RPS6KA6: variants seen among roughly 807,000 people sequenced by gnomAD.
RPS6KA6 encodes the protein ribosomal protein S6 kinase alpha-6.
In RPS6KA6, 27 loss-of-function variants were observed where a neutral mutation model predicts 65.4. The observed-to-expected ratio is 0.41, with a 90% CI of 0.30 to 0.57. The LOEUF (loss-of-function observed/expected upper bound fraction) is 0.57, where lower values mean the gene tolerates loss of function less well. Among genes scored for constraint, RPS6KA6 ranks in the 20% least tolerant of loss-of-function variants. RPS6KA6 has a pLI of 0.24. For synonymous variants in RPS6KA6, 190 were observed against 184.2 expected (o/e 1.03, Z -0.26); for missense variants, 486 against 555.6 (o/e 0.87, Z 1.26).
At chrX:84,082,196 C>A (rs1047159955) in intron 20 of RPS6KA6, among the ~76,000 whole-genome samples, 1 of 111,398 alleles carries the variant, frequency 9.0e-6, no homozygotes, top group Non-Finnish European at 1.9e-5. Flanking sequence ...TTTAGAAAAC[C>A]CCATCATCTC....
chrX:84,111,171 G>A (rs2034463256), intron 12 of RPS6KA6, among the ~76,000 whole-genome samples: 2 of 63,762 alleles, frequency 3.1e-5, no homozygotes, highest in African/African-American at 7.6e-5. Flanking sequence ...TTTAAAAAAT[G>A]AACAAAGTCT....
At chrX:84,139,924 C>T (rs1458751382) in intron 6 of RPS6KA6, among the ~76,000 whole-genome samples, 2 of 111,721 alleles carry the variant, frequency 1.8e-5, no homozygotes, top group Admixed American at 1.9e-4. Flanking sequence ...AGGGCTAAGT[C>T]AGGTGGAGCC....
At chrX:84,094,773 A>T (rs2034121209) in intron 20 of RPS6KA6, among the ~76,000 whole-genome samples, 1 of 112,358 alleles carries the variant, frequency 8.9e-6, no homozygotes, top group African/African-American at 3.2e-5. Flanking sequence ...CTGTGAGCCA[A>T]CCAGGAACTG....
intron 1 of RPS6KA6, among the ~76,000 whole-genome samples, chrX:84,184,803 T>C (rs145214248): frequency 0.031 from 1,379 of 45,161 alleles, 14 homozygotes; most frequent in Middle Eastern, 0.056. Flanking sequence ...CTGGACAATG[T>C]ACAATGACAT....
chrX:84,152,325 C>T (rs954720316), intron 3 of RPS6KA6, among the ~76,000 whole-genome samples: 8 of 110,314 alleles, frequency 7.3e-5, no homozygotes, highest in African/African-American at 2.6e-4. Flanking sequence ...TTGTCTATTG[C>T]CTAACATTTC....
chrX:84,116,338 C>T (rs935634158), intron 11 of RPS6KA6, 51 bp from the exon 12 acceptor site: 8 of 712,359 alleles, frequency 1.1e-5, no homozygotes, highest in Non-Finnish European at 1.4e-5. Context: ...TTTAGTCTTG[C>T]TCCCTGGCTT....
In RPS6KA6 at chrX:84,065,127, T is replaced by A. The variant is rs370792843; in HGVS notation, c.1972-16A>T. ...AAAGCAAATCCTAAATTAAAAAAAA[T>A]GTGTGTGTATATATATATACATGTA... On this transcript the variant is annotated splice_polypyrimidine_tract_variant and intron_variant, in intron 20 of 21. Coordinates refer to ENST00000262752, the MANE Select transcript of RPS6KA6 (RefSeq NM_014496.5). 2.7e-6 allele frequency: 3 copies of A among 1,127,328 alleles called. No individual in the cohort carries two copies. Among genetic ancestry groups the A allele is most frequent in the Middle Eastern group, 2.4e-4 (1 of 4,089 alleles). 92.9% of individuals were successfully genotyped at this position (1,127,328 alleles called of 1,213,427 possible). A position where few individuals can be genotyped will look rare whatever the true frequency, so the allele number is the denominator to read the frequency against.
chrX:84,083,474 C>G (rs1464832764), intron 20 of RPS6KA6, among the ~76,000 whole-genome samples: 2 of 112,172 alleles, frequency 1.8e-5, no homozygotes, highest in Non-Finnish European at 3.8e-5. Context: ...CGTGAGAATA[C>G]TCAGTGTCTG....
intron 3 of RPS6KA6, among the ~76,000 whole-genome samples, chrX:84,148,508 A>C (rs2035241061): frequency 9.0e-6 from 1 of 111,374 alleles, no homozygotes; most frequent in African/African-American, 3.3e-5. Flanking sequence ...TTAATAAATC[A>C]TAATGCATAT....
intron 20 of RPS6KA6, among the ~76,000 whole-genome samples, chrX:84,073,499 A>G (rs1474076122): frequency 8.9e-6 from 1 of 111,861 alleles, no homozygotes; most frequent in African/African-American, 3.2e-5. Flanking sequence ...TCAAAAATAC[A>G]GGCAAGAAAA....
At chrX:84,089,572 T>C (rs2034000361) in intron 20 of RPS6KA6, among the ~76,000 whole-genome samples, 1 of 110,977 alleles carries the variant, frequency 9.0e-6, no homozygotes, top group Admixed American at 9.6e-5. Flanking sequence ...GCTCTGTATA[T>C]TGAACCAAAG....
In RPS6KA6 at chrX:84,060,085, T is replaced by C. The variant is rs1204257311; in HGVS notation, c.*4192A>G. 1.8e-5 allele frequency: 2 copies of C among 111,641 alleles called. No individual in the cohort carries two copies. Among genetic ancestry groups the C allele is most frequent in the Non-Finnish European group, 3.8e-5 (2 of 53,090 alleles). 9.2% of individuals were successfully genotyped at this position (111,641 alleles called of 1,213,427 possible). A position where few individuals can be genotyped will look rare whatever the true frequency, so the allele number is the denominator to read the frequency against. ...GATGGAATTCACTACACTGTAAGAC[T>C]AAAACCAGGAACAGTGCATCCATGA... On this transcript the variant is annotated 3_prime_UTR_variant, in exon 22 of 22. Transcript: ENST00000262752.
rs751503710 is a variant in RPS6KA6, at chrX:84,096,214, T to C, written c.1951A>G (p.Asn651Asp). The change falls in exon 20 of 22, where the codon AAT (asparagine) becomes GAT (aspartate). Residue 651 changes from asparagine to aspartate, a missense_variant. Physicochemically the swap from Asn to Asp is conservative, Grantham distance 23. Transcript: ENST00000262752. Reference sequence around the variant, plus strand: ...TATACCTTTGCTCCGTCTGAAATATTGTCCCAGTTTCCACCACTCAAAGAG... The same window carrying C: ...TATACCTTTGCTCCGTCTGAAATATCGTCCCAGTTTCCACCACTCAAAGAG... The part of the protein sequence containing the change: ...KFSLSGGNWD[N>D]ISDGAKDLLS... The C allele has an allele frequency of 1.7e-6, 2 of 1,171,535 alleles. No individual in the cohort carries two copies. Among genetic ancestry groups the C allele is most frequent in the Non-Finnish European group, 2.3e-6 (2 of 860,744 alleles).
At position 84,060,655 on chromosome X, in the gene RPS6KA6, A is replaced by G. The variant is rs2033289308; in HGVS notation, c.*3622T>C. ...TAAAAAGTTTAAAAGTTTTTAAGAG[A>G]AAAGGTAGATTGAGAAGTAGAAAGG... On this transcript the variant is annotated 3_prime_UTR_variant, in exon 22 of 22. Transcript: ENST00000262752. 9.0e-6 allele frequency: 1 copy of G among 111,300 alleles called. No individual in the cohort carries two copies. The highest frequency in any genetic ancestry group is 3.8e-4 in the South Asian group (1 of 2,661). The allele number at this position is 111,300 out of a possible 1,213,427, so 9.2% of individuals were successfully genotyped here. A position where few individuals can be genotyped will look rare whatever the true frequency, so the allele number is the denominator to read the frequency against.
Position 84,064,409 on chromosome X carries a change from T to G in RPS6KA6, c.2113-7A>C, listed in dbSNP as rs373751155. ...ATGTTGCAACCATTGCTCCCTAAAGTAATGAGAAAATGCCACAAACTAAGT... is the reference window on the plus strand; with the variant it reads ...ATGTTGCAACCATTGCTCCCTAAAGGAATGAGAAAATGCCACAAACTAAGT... On this transcript the variant is annotated splice_region_variant and splice_polypyrimidine_tract_variant and intron_variant, in intron 21 of 21. Transcript: ENST00000262752. The G allele has an allele frequency of 2.1e-5, 24 of 1,164,628 alleles. No homozygotes were observed. Among genetic ancestry groups the G allele is most frequent in the Non-Finnish European group, 2.5e-5 (22 of 876,193 alleles).
intron 6 of RPS6KA6, among the ~76,000 whole-genome samples, chrX:84,138,635 A>T (rs2035038906): frequency 8.9e-6 from 1 of 112,589 alleles, no homozygotes; most frequent in Admixed American, 9.4e-5. Flanking sequence ...TCAACATCAA[A>T]CAAACAAAAA....
intron 6 of RPS6KA6, among the ~76,000 whole-genome samples, chrX:84,140,002 T>G (rs957014725): frequency 9.0e-6 from 1 of 111,656 alleles, no homozygotes; most frequent in African/African-American, 3.3e-5. Context: ...ATTCACAGGA[T>G]GGAGTATTAG....
rs2033342278 is a variant in RPS6KA6 at position 84,063,840 on chromosome X, T to A, written c.*437A>T. ...TTTTATAATAAGTTTTTGTTGTTTT[T>A]CTTTCATTAGAAAAAGCCTATCCTT... On this transcript the variant is annotated 3_prime_UTR_variant, in exon 22 of 22. Transcript: ENST00000262752. The A allele has an allele frequency of 8.9e-6, 1 of 112,456 alleles. No individual in the cohort carries two copies. The highest frequency in any genetic ancestry group is 3.2e-5 in the African/African-American group (1 of 30,876). 9.3% of individuals were successfully genotyped at this position (112,456 alleles called of 1,213,427 possible).
intron 12 of RPS6KA6, among the ~76,000 whole-genome samples, chrX:84,109,537 G>C (rs1320985661): frequency 1.8e-5 from 2 of 111,170 alleles, no homozygotes; most frequent in African/African-American, 6.6e-5. Flanking sequence ...AGCATTCTGT[G>C]GGCGCTCCCG....
Sources: gnomAD v4.1 joint callset for allele counts (sites outside exome capture counted in the v4.1 genomes callset) on GRCh38, gnomAD v4.1.1 for gene constraint, MANE v1.5 for transcripts, NCBI Gene and HGNC (gene_info 2026-07-23, HGNC 2026-07-21) for gene names.